Variants in CNOT8 observed in about 807,000 individuals in gnomAD.
The protein encoded by CNOT8 is CAF1-like protein.
A neutral mutation model predicts 34.6 loss-of-function variants in CNOT8; 18 were observed. That is an observed-to-expected ratio of 0.52 (90% CI 0.36 to 0.77). The LOEUF is 0.77. Ranked by LOEUF, CNOT8 falls within the 30% of genes least tolerant of loss-of-function variation. CNOT8 has a pLI of 0.00. For missense variants in CNOT8, 189 were observed against 347.9 expected, an observed-to-expected ratio of 0.54 and a Z score of 3.63; for synonymous variants, 101 against 118.8, an observed-to-expected ratio of 0.85 and a Z score of 0.98.
chr5:154,869,677 C>T (rs1333653900), intron 3 of CNOT8, among the ~76,000 whole-genome samples: 3 of 144,966 alleles, frequency 2.1e-5, no homozygotes, highest in Non-Finnish European at 4.5e-5. Context: ...CAGGCTGGAG[C>T]GCAGTGGCGC....
chr5:154,861,580 C>T (rs904870469), intron 1 of CNOT8, among the ~76,000 whole-genome samples: 2 of 152,198 alleles, frequency 1.3e-5, no homozygotes, highest in African/African-American at 4.8e-5. Context: ...CACTTACATT[C>T]GTTTTACTGT....
chr5:154,870,900 G>T (rs1762426933), intron 4 of CNOT8, 78 bp downstream of exon 4: 1 of 1,296,708 alleles, frequency 7.7e-7, no homozygotes, highest in Non-Finnish European at 1.1e-6. Context: ...AGTCATTTTT[G>T]CAGTCCTAGT....
chr5:154,861,730 G>A (rs537999757), intron 1 of CNOT8, among the ~76,000 whole-genome samples: 3 of 152,228 alleles, frequency 2.0e-5, no homozygotes, highest in South Asian at 2.1e-4. Flanking sequence ...ACGGAGTCTC[G>A]CTCTGTCGCC....
chr5:154,859,208 A>G (rs1385914505), intron 1 of CNOT8: 2 of 152,250 alleles, frequency 1.3e-5, no homozygotes, highest in African/African-American at 2.4e-5. Context: ...GGCGTGTCAG[A>G]AGGAGGAGGA....
chr5:154,864,838 G>A (rs769904326), intron 2 of CNOT8, among the ~76,000 whole-genome samples: 7 of 152,146 alleles, frequency 4.6e-5, no homozygotes, highest in Non-Finnish European at 8.8e-5. Context: ...TGGATCACTT[G>A]AGACCAGCCT....
chr5:154,862,953 T>G (rs1393793245), intron 1 of CNOT8, among the ~76,000 whole-genome samples: 1 of 152,224 alleles, frequency 6.6e-6, no homozygotes, highest in African/African-American at 2.4e-5. Context: ...GTGGTTTCAC[T>G]TCTGTGGCAG....
intron 2 of CNOT8, among the ~76,000 whole-genome samples, chr5:154,863,827 A>G (rs1761594433): frequency 6.6e-6 from 1 of 152,166 alleles, no homozygotes; most frequent in South Asian, 2.1e-4. Flanking sequence ...GTCATCCCCT[A>G]GGGCCCAGCT....
chr5:154,872,789 G>A, intron 6 of CNOT8, 138 bp downstream of exon 6: 1 of 349,430 alleles, frequency 2.9e-6, no homozygotes, highest in East Asian at 4.5e-5. Flanking sequence ...TTTTTTTTGA[G>A]ATGAAGCCTT....
intron 3 of CNOT8, among the ~76,000 whole-genome samples, chr5:154,869,643 T>G (rs1193875779): frequency 8.1e-6 from 1 of 123,020 alleles, no homozygotes; most frequent in Non-Finnish European, 1.8e-5. Flanking sequence ...TTTTTTTTTT[T>G]GAGAGGGAGT....
At chr5:154,868,525 A>G (rs1582603294) in intron 3 of CNOT8, among the ~76,000 whole-genome samples, 1 of 151,780 alleles carries the variant, frequency 6.6e-6, no homozygotes, top group Non-Finnish European at 1.5e-5. Flanking sequence ...TGGTCTCCCA[A>G]AGTGCTGGGA....
intron 2 of CNOT8, among the ~76,000 whole-genome samples, chr5:154,863,724 A>G (rs547927996): frequency 6.6e-6 from 1 of 152,250 alleles, no homozygotes. Flanking sequence ...TGAAATATCA[A>G]GGTAGCCAGT....
chr5:154,875,178 A>G, intron 6 of CNOT8, 112 bp from the exon 7 acceptor site: 1 of 1,216,192 alleles, frequency 8.2e-7, no homozygotes, highest in East Asian at 2.4e-5. Context: ...CAGCCTCACA[A>G]AGTGCTTGGA....
chr5:154,869,125 T>A (rs999264764), intron 3 of CNOT8, among the ~76,000 whole-genome samples: 2 of 143,530 alleles, frequency 1.4e-5, no homozygotes, highest in Admixed American at 6.9e-5. Context: ...TGTTGGTTTA[T>A]TTTTTTTTTT....
At chr5:154,874,883 G>C (rs1762805070) in intron 6 of CNOT8, among the ~76,000 whole-genome samples, 1 of 151,826 alleles carries the variant, frequency 6.6e-6, no homozygotes, top group South Asian at 2.1e-4. Flanking sequence ...TATTTTCAGG[G>C]CTTTAGGAAG....
chr5:154,875,078 G>A (rs1360520239), intron 6 of CNOT8, among the ~76,000 whole-genome samples: 1 of 151,814 alleles, frequency 6.6e-6, no homozygotes, highest in Non-Finnish European at 1.5e-5. Context: ...CACCATGCCC[G>A]GCTCATTTTT....
At chr5:154,872,768 TTTA>T in intron 6 of CNOT8, 117 bp downstream of exon 6, 1 of 406,466 alleles carries the variant, frequency 2.5e-6, no homozygotes, top group Non-Finnish European at 4.3e-6. Context: ...TTTTTATTTA[TTTA>T]TTATTTATTT....
rs1561692879 is a variant in CNOT8, at chr5:154,872,656, G to A, written c.729+5G>A. 1 of 1,594,326 alleles carries A rather than the reference G, an allele frequency of 6.3e-7. No individual in the cohort carries two copies. The highest frequency in any genetic ancestry group is 8.6e-7 in the Non-Finnish European group (1 of 1,163,448). On this transcript the variant is annotated splice_donor_5th_base_variant and intron_variant, in intron 6 of 6. Coordinates refer to ENST00000285896, the MANE Select transcript of CNOT8 (RefSeq NM_001301073.2). ...GCTTTCTTTAGGATGAAAGAGGTAA[G>A]CTTCCTTGAATGTGATCACAGGCCT...
rs759324217 is a variant in CNOT8, at chr5:154,865,352, A to T, written c.278A>T (p.Asn93Ile). The T allele has an allele frequency of 6.3e-7, 1 of 1,586,474 alleles. No homozygotes were observed. The highest frequency in any genetic ancestry group is 8.5e-7 in the Non-Finnish European group (1 of 1,173,286). ...NEKGEYPSGI[N>I]TWQFNFKFNL... ...AAGGGAGAGTATCCTTCTGGAATCAATACTTGGCAGTTCAATTTCAAATTT... is the reference window on the plus strand; with the variant it reads ...AAGGGAGAGTATCCTTCTGGAATCATTACTTGGCAGTTCAATTTCAAATTT... Residue 93 changes from asparagine (N) to isoleucine (I), a missense_variant, in exon 3 of 7, where the codon AAT becomes ATT. Physicochemically the swap from Asn to Ile is moderately radical, Grantham distance 149. This residue lies in a region of CNOT8 where 160 missense variants were observed against 321.9 expected (regional missense o/e 0.50). Coordinates refer to ENST00000285896, the MANE Select transcript of CNOT8 (RefSeq NM_001301073.2).
At chr5:154,870,918 C>T in intron 4 of CNOT8, 96 bp downstream of exon 4, 1 of 1,071,940 alleles carries the variant, frequency 9.3e-7, no homozygotes. Context: ...AGTGACTGTT[C>T]TGTTCAGCAG....
Sources: gnomAD v4.1 joint callset for allele counts (sites outside exome capture counted in the v4.1 genomes callset) on GRCh38, gnomAD v4.1.1 for gene constraint, gnomAD v4.1.1 regional missense constraint, MANE v1.5 for transcripts, NCBI Gene and HGNC (gene_info 2026-07-23, HGNC 2026-07-21) for gene names.